PHYH: variants seen among roughly 807,000 people sequenced by gnomAD.
PHYH encodes the protein phytanoyl-CoA 2-hydroxylase.
Under a neutral mutation model 38.5 loss-of-function variants are expected in PHYH, and 32 were observed. The observed-to-expected ratio is 0.83, with a 90% CI of 0.63 to 1.12. The LOEUF (loss-of-function observed/expected upper bound fraction) is 1.12. Ranked by LOEUF, PHYH falls within the 50% of genes most tolerant of loss-of-function variation. The probability of loss-of-function intolerance (pLI) is 0.00; values close to 1 mark genes in which losing one functional copy is unlikely to be tolerated. For missense variants in PHYH, 426 were observed against 434.8 expected (o/e 0.98, Z 0.18); for synonymous variants, 166 against 157.9 (o/e 1.05, Z -0.38).
intron 5 of PHYH, among the ~76,000 whole-genome samples, chr10:13,289,441 C>A (rs942478766): frequency 2.6e-5 from 4 of 151,724 alleles, no homozygotes; most frequent in Non-Finnish European, 5.9e-5. Context: ...GTGATCCGCC[C>A]GCCTCGGCCT....
At chr10:13,294,357 A>G (rs1835785429) in intron 4 of PHYH, 71 bp downstream of exon 4, 2 of 1,479,298 alleles carry the variant, frequency 1.4e-6, no homozygotes, top group East Asian at 4.5e-5. Context: ...CGCCCGGCCA[A>G]ATCAGCGGGT....
At chr10:13,283,071 T>G (rs1240788484) in intron 7 of PHYH, among the ~76,000 whole-genome samples, 1 of 151,312 alleles carries the variant, frequency 6.6e-6, no homozygotes, top group South Asian at 2.1e-4. Context: ...TCCTCCCGCC[T>G]CAGCCTCCGG....
Position 13,295,684 on chromosome 10 carries a change from C to T in PHYH, c.135-78G>A. The T allele has an allele frequency of 4.0e-6, 3 of 755,808 alleles. No homozygotes were observed. The South Asian group carries it at 4.2e-5, about 10-fold the overall frequency. The allele number at this position is 755,808 out of a possible 1,614,324, so 46.8% of individuals were successfully genotyped here. A position where few individuals can be genotyped will look rare whatever the true frequency, so the allele number is the denominator to read the frequency against. ...GGCACAATGGCTCACACCTCTAATA[C>T]TAGCACTTTAGCGGGCCGAGGCAAG... On this transcript the variant is annotated intron_variant, in intron 2 of 8. Transcript: ENST00000263038.
intron 8 of PHYH, among the ~76,000 whole-genome samples, chr10:13,280,170 T>TGG (rs959527131): frequency 2.0e-5 from 3 of 152,174 alleles, no homozygotes; most frequent in African/African-American, 7.2e-5. Context: ...GGTTTCACCA[T>TGG]GTTGGCCAGG....
At chr10:13,299,097 T>G (rs1832669086) in intron 1 of PHYH, among the ~76,000 whole-genome samples, 1 of 143,224 alleles carries the variant, frequency 7.0e-6, no homozygotes, top group Admixed American at 7.3e-5. Context: ...ACTACTGCAC[T>G]CCAGCCTGGG....
In PHYH at chr10:13,281,110, C is replaced by T. The variant is rs1472419286; in HGVS notation, c.829G>A (p.Ala277Thr). ...GCACTGGCGAAATGGCAGGAAATTG[C>T]CTGTGCAAAGTGAACAAATTGATAT... is the stretch of plus-strand genomic sequence containing the variant. ...GQNKTQGFRK[A>T]ISCHFASADC... is the part of the protein sequence containing the mutation. Residue 277 changes from alanine (A) to threonine (T), a missense_variant and splice_region_variant, in exon 8 of 9, where the codon GCA becomes ACA. Coordinates refer to ENST00000263038, the MANE Select transcript of PHYH (RefSeq NM_006214.4). 6.2e-7 allele frequency: 1 copy of T among 1,613,996 alleles called. No individual in the cohort carries two copies. The highest frequency in any genetic ancestry group is 8.5e-7 in the Non-Finnish European group (1 of 1,180,006).
intron 2 of PHYH, among the ~76,000 whole-genome samples, chr10:13,296,357 A>G (rs1247474532): frequency 6.6e-5 from 10 of 151,288 alleles, no homozygotes; most frequent in Admixed American, 3.3e-4. Context: ...CAGGTGGATC[A>G]CCTGAGGTCG....
In PHYH at chr10:13,293,159, A is replaced by AT. The variant is rs569578423; in HGVS notation, c.415-1248dup. Among the ~76,000 whole-genome samples the AT allele has an allele frequency of 4.5e-4, 68 of 152,186 alleles. No individual in the cohort carries two copies. In the East Asian group the frequency reaches 0.013, roughly 29 times the overall value. On this transcript the variant is annotated intron_variant, in intron 4 of 8. Coordinates refer to ENST00000263038, the MANE Select transcript of PHYH (RefSeq NM_006214.4). ...ACACTTGCTTTTTATAAAGCCTGGT[A>AT]TTTTTTTGTATTCATCTAGGCTGGG... is the stretch of plus-strand genomic sequence containing the variant.
chr10:13,280,575 A>G (rs1013806395), intron 8 of PHYH, among the ~76,000 whole-genome samples: 1 of 151,864 alleles, frequency 6.6e-6, no homozygotes, highest in African/African-American at 2.4e-5. Context: ...CCAACTCCTG[A>G]GCTCAAGTGA....
intron 5 of PHYH, among the ~76,000 whole-genome samples, 180 bp from the exon 6 acceptor site, chr10:13,288,721 G>C (rs1000197335): frequency 7.9e-5 from 12 of 151,902 alleles, no homozygotes; most frequent in Non-Finnish European, 2.9e-5. Flanking sequence ...CGTTTCTACA[G>C]AAAACAAAAC....
intron 2 of PHYH, among the ~76,000 whole-genome samples, chr10:13,297,002 G>T (rs1832575210): frequency 6.6e-6 from 1 of 150,926 alleles, no homozygotes. Context: ...AAATAGTATG[G>T]ACAATGCTTA....
Position 13,295,597 on chromosome 10 carries a change from C to A in PHYH, c.144G>T (p.Leu48=). Residue 48 remains leucine, a synonymous_variant, in exon 3 of 9, where the codon CTG becomes CTT. Coordinates refer to ENST00000263038, the MANE Select transcript of PHYH (RefSeq NM_006214.4). Reference sequence around the variant, plus strand: ...GTTCCAGGGTTAGAACGTTATTATCCAGAGTATACCTAAAGGAGAAAAAGA... The same window carrying A: ...GTTCCAGGGTTAGAACGTTATTATCAAGAGTATACCTAAAGGAGAAAAAGA... ...SFHPQQFQYT[L]DNNVLTLEQR... is the part of the protein sequence containing the mutation. 8.7e-7 allele frequency: 1 copy of A among 1,154,790 alleles called. No homozygotes were observed. Among genetic ancestry groups the A allele is most frequent in the Non-Finnish European group, 1.3e-6 (1 of 760,278 alleles). The allele number at this position is 1,154,790 out of a possible 1,614,324, so 71.5% of individuals were successfully genotyped here.
Position 13,277,836 on chromosome 10 carries a change from C to T in PHYH, c.*465G>A, listed in dbSNP as rs1835323221. The T allele has an allele frequency of 4.8e-6, 1 of 208,686 alleles. No individual in the cohort carries two copies. The highest frequency in any genetic ancestry group is 7.8e-5 in the South Asian group (1 of 12,884). 12.9% of individuals were successfully genotyped at this position (208,686 alleles called of 1,614,324 possible). Reference sequence around the variant, plus strand: ...TATCCACTTTATTTGGACTCCATGACACCGTTCCTATGCCCTTGACTAGAT... The same window carrying T: ...TATCCACTTTATTTGGACTCCATGATACCGTTCCTATGCCCTTGACTAGAT... On this transcript the variant is annotated 3_prime_UTR_variant, in exon 9 of 9. Transcript: ENST00000263038.
intron 2 of PHYH, among the ~76,000 whole-genome samples, chr10:13,296,970 T>A (rs1050946012): frequency 1.3e-5 from 2 of 150,622 alleles, no homozygotes; most frequent in African/African-American, 4.9e-5. Flanking sequence ...AAATAAAATA[T>A]AATAAAATAT....
intron 6 of PHYH, among the ~76,000 whole-genome samples, chr10:13,287,921 T>C (rs1294070875): frequency 6.6e-6 from 1 of 152,178 alleles, no homozygotes; most frequent in Non-Finnish European, 1.5e-5. Context: ...GGCTCATGCC[T>C]TTAATCCCAG....
intron 6 of PHYH, among the ~76,000 whole-genome samples, chr10:13,286,936 A>G (rs552366397): frequency 1.3e-5 from 2 of 152,304 alleles, no homozygotes; most frequent in South Asian, 4.1e-4. Flanking sequence ...ATGATTTCAC[A>G]GGTATGTGTG....
chr10:13,285,983 C>T (rs1240433842), intron 6 of PHYH, among the ~76,000 whole-genome samples: 1 of 152,270 alleles, frequency 6.6e-6, no homozygotes, highest in Admixed American at 6.5e-5. Flanking sequence ...ACATAGCCCA[C>T]TGCAGCCTCG....
intron 7 of PHYH, among the ~76,000 whole-genome samples, chr10:13,281,652 T>G (rs914443440): frequency 2.0e-4 from 31 of 152,230 alleles, no homozygotes; most frequent in African/African-American, 7.2e-4. Context: ...CCCTCTTGCT[T>G]CCTTCTGAGG....
chr10:13,295,940 G>C (rs1293368159), intron 2 of PHYH, among the ~76,000 whole-genome samples: 4 of 151,868 alleles, frequency 2.6e-5, no homozygotes, highest in Non-Finnish European at 5.9e-5. Flanking sequence ...GGCCGAGGCA[G>C]GTGGATCGCC....
Sources: gnomAD v4.1 joint callset for allele counts (sites outside exome capture counted in the v4.1 genomes callset) on GRCh38, gnomAD v4.1.1 for gene constraint, MANE v1.5 for transcripts, NCBI Gene and HGNC (gene_info 2026-07-23, HGNC 2026-07-21) for gene names.